DGKD: variants seen among roughly 807,000 people sequenced by gnomAD.
The protein encoded by DGKD is DAG kinase delta.
Under a neutral mutation model 154.4 loss-of-function variants are expected in DGKD, and 68 were observed. The ratio of observed to expected loss-of-function variants is 0.44; its 90% CI spans 0.36 to 0.54. DGKD has a LOEUF of 0.54. DGKD is among the 20% of genes least tolerant of loss of function. The pLI is 0.00. For synonymous variants in DGKD, 693 were observed against 638.0 expected (o/e 1.09, Z -1.30); for missense variants, 1,343 against 1,593.6 (o/e 0.84, Z 2.68).
chr2:233,359,509 T>TTTA (rs1553618505), intron 1 of DGKD, among the ~76,000 whole-genome samples: 2 of 151,522 alleles, frequency 1.3e-5, no homozygotes, highest in African/African-American at 4.9e-5. Context: ...TTTTTTTTTT[T>TTTA]ATCCCAGATA....
At chr2:233,370,570 C>CTTTTT (rs56301429) in intron 1 of DGKD, among the ~76,000 whole-genome samples, 228 of 123,190 alleles carry the variant, frequency 1.9e-3, no homozygotes, top group Non-Finnish European at 2.5e-3. Flanking sequence ...AGAACTTCTT[C>CTTTTT]TTTTTTTTTT....
At chr2:233,454,990 G>T (rs2063409650) in intron 19 of DGKD, 117 bp downstream of exon 19, 3 of 635,702 alleles carry the variant, frequency 4.7e-6, no homozygotes, top group African/African-American at 1.9e-5. Context: ...CTAAGGCGGG[G>T]GGCAGAAATG....
chr2:233,354,622 C>A lies in DGKD; in HGVS notation c.104C>A (p.Ser35Tyr). The A allele has an allele frequency of 8.9e-7, 1 of 1,127,764 alleles. No homozygotes were observed. Among genetic ancestry groups the A allele is most frequent in the Non-Finnish European group, 1.1e-6 (1 of 904,608 alleles). The allele number at this position is 1,127,764 out of a possible 1,614,324, so 69.9% of individuals were successfully genotyped here. A position where few individuals can be genotyped will look rare whatever the true frequency, so the allele number is the denominator to read the frequency against. The change falls in exon 1 of 30, where the codon TCC (serine) becomes TAC (tyrosine). Residue 35 changes from serine (S) to tyrosine (Y), a missense_variant. By Grantham distance (144) the Ser-to-Tyr change is moderately radical. Around this residue, in one of 6 missense-constraint regions of DGKD, gnomAD observed 332 missense variants for 400.1 expected, o/e 0.83. Coordinates refer to ENST00000264057, the MANE Select transcript of DGKD (RefSeq NM_152879.3). The surrounding 1 kb of genome is among the most constrained non-coding windows in gnomAD (Gnocchi z 4.8). ...SDSEPEAEPGSPQKLIRKVST... is the reference protein window; with the variant it reads ...SDSEPEAEPGYPQKLIRKVST... ...AGCGAGCCCGAGGCGGAGCCCGGCT[C>A]CCCACAGAAGCTCATCCGCAAGGTG...
intron 26 of DGKD, among the ~76,000 whole-genome samples, chr2:233,463,496 A>G (rs1440163011): frequency 9.9e-6 from 1 of 100,554 alleles, no homozygotes; most frequent in Non-Finnish European, 1.8e-5. Context: ...CACTGCACGC[A>G]TGTCCTCACT....
At position 233,445,787 on chromosome 2, in the gene DGKD, C is replaced by T. The variant is rs767258853; in HGVS notation, c.1334+25C>T. 14 of 1,581,212 alleles carry T rather than the reference C, an allele frequency of 8.9e-6. No homozygotes were observed. The highest frequency in any genetic ancestry group is 3.5e-5 in the South Asian group (3 of 86,908). On this transcript the variant is annotated intron_variant, in intron 11 of 29. Coordinates refer to ENST00000264057, the MANE Select transcript of DGKD (RefSeq NM_152879.3). The surrounding 1 kb of genome is among the most constrained non-coding windows in gnomAD (Gnocchi z 5.5). Reference sequence around the variant, plus strand: ...GGTGAGTGGGGATGTGCTCCGGTGCCGTATGAGGAGACTTTGAGAGACAGG... The same window carrying T: ...GGTGAGTGGGGATGTGCTCCGGTGCTGTATGAGGAGACTTTGAGAGACAGG...
chr2:233,364,097 A>T (rs1701917105), intron 1 of DGKD, among the ~76,000 whole-genome samples: 1 of 152,244 alleles, frequency 6.6e-6, no homozygotes, highest in Non-Finnish European at 1.5e-5. Context: ...TTCTAAAAAC[A>T]AAAACCAAAC....
At chr2:233,422,430 T>A (rs566221900) in intron 3 of DGKD, among the ~76,000 whole-genome samples, 1 of 152,344 alleles carries the variant, frequency 6.6e-6, no homozygotes, top group South Asian at 2.1e-4. Context: ...ATGACACTCC[T>A]GCGTGTGCTT....
In DGKD at chr2:233,469,691, C is replaced by CTT. The variant is rs1273376491; in HGVS notation, c.*233_*234dup. The CTT allele has an allele frequency of 5.5e-6, 3 of 542,450 alleles. No individual in the cohort carries two copies. Among genetic ancestry groups the CTT allele is most frequent in the Non-Finnish European group, 9.9e-6 (3 of 302,134 alleles). 33.6% of individuals were successfully genotyped at this position (542,450 alleles called of 1,614,324 possible). ...CAACACAGCTACCTTTGAAACAACA[C>CTT]TTTCTCCAGCTCAGAGTCACCTGGG... is the stretch of plus-strand genomic sequence containing the variant. On this transcript the variant is annotated 3_prime_UTR_variant, in exon 30 of 30. Transcript: ENST00000264057.
In DGKD at chr2:233,460,109, G is replaced by A. The variant is rs1213763264; in HGVS notation, c.2830-85G>A. 2.6e-6 allele frequency: 4 copies of A among 1,541,484 alleles called. No individual in the cohort carries two copies. In the African/African-American group the frequency reaches 5.6e-5, roughly 21 times the overall value. ...GTCCTATTTGTCTCTTTCTAGTTGT[G>A]ATCTCGTTGGCATCCCCATAGTGTC... On this transcript the variant is annotated intron_variant, in intron 23 of 29. Coordinates refer to ENST00000264057, the MANE Select transcript of DGKD (RefSeq NM_152879.3).
intron 8 of DGKD, 102 bp downstream of exon 8, chr2:233,437,581 G>C: frequency 4.4e-6 from 5 of 1,139,696 alleles, no homozygotes; most frequent in Non-Finnish European, 6.4e-6. Flanking sequence ...TTGGTGAGAT[G>C]TCAGCAAGAG....
intron 17 of DGKD, 105 bp from the exon 18 acceptor site, chr2:233,451,859 A>T: frequency 1.1e-6 from 1 of 923,590 alleles, no homozygotes; most frequent in Non-Finnish European, 1.7e-6. Context: ...ATTTAATTAT[A>T]ATAACGTTCT....
intron 24 of DGKD, 149 bp from the exon 25 acceptor site, chr2:233,462,199 C>G: frequency 6.7e-6 from 4 of 597,694 alleles, no homozygotes; most frequent in Non-Finnish European, 1.2e-5. Context: ...TGAACGGTCG[C>G]TGGGCTGAGC....
intron 12 of DGKD, chr2:233,447,462 GC>G: frequency 4.1e-6 from 4 of 984,798 alleles, no homozygotes; most frequent in Non-Finnish European, 4.8e-6. Context: ...ATGTGCCTGG[GC>G]CCACGGCCTT....
rs540554494 is a variant in DGKD at position 233,452,295 on chromosome 2, G to C, written c.2264+235G>C. On this transcript the variant is annotated intron_variant, in intron 18 of 29. Transcript: ENST00000264057. This position sits in a 1 kb window ranked among gnomAD's most constrained non-coding sequence, Gnocchi z 4.0. ...TCCCATCTCCTTCCCAAGGTCCCAC[G>C]GTGCTTGCTTGACGTCCCCTGAGCC... Among the ~76,000 whole-genome samples, 3 of 152,158 alleles carry C rather than the reference G, an allele frequency of 2.0e-5. No individual in the cohort carries two copies. Among genetic ancestry groups the C allele is most frequent in the African/African-American group, 7.2e-5 (3 of 41,448 alleles).
chr2:233,444,476 C>T (rs541751203), intron 10 of DGKD, among the ~76,000 whole-genome samples: 1 of 151,896 alleles, frequency 6.6e-6, no homozygotes, highest in South Asian at 2.1e-4. Context: ...CTCCTGTTTC[C>T]TCGCTGTCCT....
At chr2:233,419,275 T>A (rs2062042367) in intron 3 of DGKD, 1 of 985,544 alleles carries the variant, frequency 1.0e-6, no homozygotes, top group Non-Finnish European at 1.2e-6. Flanking sequence ...ACGGTACTGA[T>A]TTGCTGCTCC....
intron 3 of DGKD, among the ~76,000 whole-genome samples, chr2:233,391,356 C>T (rs1461353039): frequency 6.6e-6 from 1 of 152,152 alleles, no homozygotes; most frequent in African/African-American, 2.4e-5. Context: ...TATGTCTTTA[C>T]CTACATGTAC....
intron 7 of DGKD, 56 bp from the exon 8 acceptor site, chr2:233,437,321 C>A: frequency 6.6e-7 from 1 of 1,516,984 alleles, no homozygotes; most frequent in Admixed American, 1.7e-5. Flanking sequence ...AGGAGGATTT[C>A]TGGTGTGTGT....
chr2:233,437,728 C>T (rs896613975), intron 8 of DGKD, among the ~76,000 whole-genome samples: 5 of 152,106 alleles, frequency 3.3e-5, no homozygotes, highest in Admixed American at 6.5e-5. Flanking sequence ...TTGAGTGGCA[C>T]CCAGGCTTAG....
Sources: allele counts gnomAD v4.1 joint callset (sites outside exome capture counted in the v4.1 genomes callset), GRCh38; gene constraint gnomAD v4.1.1; regional missense constraint gnomAD v4.1.1; non-coding constraint Gnocchi (gnomAD v3.1); transcripts MANE v1.5; gene names NCBI Gene and HGNC (gene_info 2026-07-23, HGNC 2026-07-21).